The following ZNF454 variants were observed in gnomAD, a reference collection of about 807,000 sequenced individuals.
ZNF454 encodes the protein zinc finger protein 454.
A neutral mutation model predicts 48.2 loss-of-function variants in ZNF454; 30 were observed. The ratio of observed to expected loss-of-function variants is 0.62; its 90% confidence interval spans 0.47 to 0.84. The LOEUF (loss-of-function observed/expected upper bound fraction) is 0.84, where lower values mean the gene tolerates loss of function less well. Among genes scored for constraint, ZNF454 ranks in the 40% least tolerant of loss-of-function variants. The pLI, the probability that ZNF454 is intolerant of heterozygous loss-of-function variation, is 0.00. For missense variants in ZNF454, 510 were observed against 623.1 expected (o/e 0.82, Z 1.93); for synonymous variants, 204 against 211.4 (o/e 0.97, Z 0.30).
At chr5:178,947,054 G>A in intron 4 of ZNF454, 68 bp downstream of exon 4, 1 of 1,359,058 alleles carries the variant, frequency 7.4e-7, no homozygotes. Context: ...CGTAGGGAAG[G>A]CAGGGAGGCT....
At chr5:178,983,047 CTG>C in the ZNF454 span, 1 of 1,613,950 alleles carries the variant, frequency 6.2e-7, no homozygotes, top group Non-Finnish European at 8.5e-7. Context: ...ATGGCGTACA[CTG>C]TGCACGTGAC....
chr5:178,969,441 C>G (rs2113290962), downstream of ZNF454: 1 of 456,694 alleles, frequency 2.2e-6, no homozygotes, highest in East Asian at 6.9e-5. Flanking sequence ...AAGAGCAGTT[C>G]ATTCCATACC....
Position 178,954,771 on chromosome 5 carries a change from G to A in ZNF454, c.250+7785G>A, listed in dbSNP as rs61200088. Among the ~76,000 whole-genome samples the A allele has an allele frequency of 9.2e-3, 1,403 of 152,254 alleles. 67 individuals carry two copies. In the East Asian group the frequency reaches 0.12, roughly 13 times the overall value. ...CGACTAACCTACTTGCTGCCACTGC[G>A]AGTACCCCTCTCCAGGATTTCATGT... On this transcript the variant is annotated intron_variant, in intron 4 of 4. Coordinates refer to ENST00000519564, the MANE Select transcript of ZNF454 (RefSeq NM_001178089.3).
rs1223953726 is a variant in ZNF454, at chr5:178,944,077, T to C, written c.33+1253T>C. 6.6e-6 allele frequency among the ~76,000 whole-genome samples: 1 copy of C among 152,148 alleles called. No individual in the cohort carries two copies. The highest frequency in any genetic ancestry group is 2.4e-5 in the African/African-American group (1 of 41,442). On this transcript the variant is annotated intron_variant, in intron 2 of 4. Coordinates refer to ENST00000519564, the MANE Select transcript of ZNF454 (RefSeq NM_001178089.3). The surrounding 1 kb of genome is among the most constrained non-coding windows in gnomAD (Gnocchi z 4.1). ...GGACTGTGCTTTGAAGGAGACAGCA[T>C]TCATTTGGGCATATACATTCTGATA...
At chr5:178,949,027 C>T (rs1759453244) in intron 4 of ZNF454, among the ~76,000 whole-genome samples, 1 of 150,628 alleles carries the variant, frequency 6.6e-6, no homozygotes, top group African/African-American at 2.4e-5. Flanking sequence ...CTTGCCACTG[C>T]CTGGCTAATT....
intron 2 of ZNF454, among the ~76,000 whole-genome samples, chr5:178,945,156 T>TG (rs55704219): frequency 0.71 from 101,928 of 144,450 alleles, 36,049 homozygotes; most frequent in African/African-American, 0.74. Flanking sequence ...GTTGAGGGTC[T>TG]GGGGGATGTG....
chr5:178,984,667 G>A, the ZNF454 span, among the ~76,000 whole-genome samples: 31 of 152,224 alleles, frequency 2.0e-4, no homozygotes, highest in African/African-American at 6.5e-4. Flanking sequence ...CAGGATGTGC[G>A]GCACACGGAG....
chr5:178,950,573 T>C (rs1484099646), intron 4 of ZNF454, among the ~76,000 whole-genome samples: 1 of 152,210 alleles, frequency 6.6e-6, no homozygotes, highest in Non-Finnish European at 1.5e-5. Context: ...CGTAAAGGAA[T>C]GCTCAGCCAA....
the ZNF454 span, among the ~76,000 whole-genome samples, chr5:178,972,832 T>C: frequency 6.6e-6 from 1 of 152,256 alleles, no homozygotes; most frequent in African/African-American, 2.4e-5. Context: ...CCTGTTTCAC[T>C]GGAAAGGCAG....
At chr5:178,982,444 G>T in the ZNF454 span, among the ~76,000 whole-genome samples, 481 of 152,076 alleles carry the variant, frequency 3.2e-3, 4 homozygotes, top group African/African-American at 0.011. Context: ...CAGGCGTGGT[G>T]GCAGGCACCT....
At chr5:178,968,105 T>TCACACACACACGCA (rs1760192528), downstream of ZNF454, among the ~76,000 whole-genome samples, 1 of 145,000 alleles carries the variant, frequency 6.9e-6, no homozygotes, top group Admixed American at 6.9e-5. Context: ...CATCTGTGCA[T>TCACACACACACGCA]CACACACACA....
At chr5:178,986,971 G>C in the ZNF454 span, 1 of 1,613,812 alleles carries the variant, frequency 6.2e-7, no homozygotes, top group Non-Finnish European at 8.5e-7. Flanking sequence ...CATCACAGGG[G>C]TTCCTGCGCT....
At chr5:178,943,578 A>G (rs1171984132) in intron 2 of ZNF454, among the ~76,000 whole-genome samples, 3 of 152,214 alleles carry the variant, frequency 2.0e-5, no homozygotes, top group Non-Finnish European at 2.9e-5. Flanking sequence ...AAAGAAGGGC[A>G]TTGTAGGAAC....
chr5:178,965,318 G>C lies in ZNF454; in HGVS notation c.914G>C (p.Cys305Ser). ...TGEKPFKCNI[C>S]EKAFVCRAHL... Reference sequence around the variant, plus strand: ...GAGAAACCTTTTAAATGTAACATTTGTGAAAAAGCCTTTGTGTGCAGGGCA... The same window carrying C: ...GAGAAACCTTTTAAATGTAACATTTCTGAAAAAGCCTTTGTGTGCAGGGCA... Residue 305 changes from cysteine (C) to serine (S), a missense_variant, in exon 5 of 5, where the codon TGT becomes TCT. By Grantham distance (112) the Cys-to-Ser change is moderately radical. This residue lies in a region of ZNF454 where 354 missense variants were observed against 408.9 expected (regional missense o/e 0.87). Coordinates refer to ENST00000519564, the MANE Select transcript of ZNF454 (RefSeq NM_001178089.3). This position sits in a 1 kb window ranked among gnomAD's most constrained non-coding sequence, Gnocchi z 5.2. 2 of 1,614,212 alleles carry C rather than the reference G, an allele frequency of 1.2e-6. No homozygotes were observed. The highest frequency in any genetic ancestry group is 2.7e-5 in the African/African-American group (2 of 75,062).
chr5:178,960,083 G>A (rs963023075), intron 4 of ZNF454, among the ~76,000 whole-genome samples: 1 of 151,104 alleles, frequency 6.6e-6, no homozygotes, highest in Non-Finnish European at 1.5e-5. Context: ...CTGAGTAGCT[G>A]GGACTACAGG....
chr5:178,985,496 G>C, the ZNF454 span: 1 of 344,346 alleles, frequency 2.9e-6, no homozygotes, highest in Non-Finnish European at 5.7e-6. Context: ...GAGGTCAGGA[G>C]ATCGAGACCA....
chr5:178,945,202 GTGTC>G (rs900987769), intron 2 of ZNF454, among the ~76,000 whole-genome samples: 1 of 151,238 alleles, frequency 6.6e-6, no homozygotes, highest in African/African-American at 2.4e-5. Context: ...TTGTGTGTAT[GTGTC>G]TGTGTGTTTG....
Position 178,957,403 on chromosome 5 carries a change from T to A in ZNF454, c.251-7252T>A, listed in dbSNP as rs577585217. On this transcript the variant is annotated intron_variant, in intron 4 of 4. Transcript: ENST00000519564. Reference sequence around the variant, plus strand: ...TTAAAACCATCTTTTTTATTTTTATTTTTTATTTTATTTTATTTTTTTTGG... The same window carrying A: ...TTAAAACCATCTTTTTTATTTTTATATTTTATTTTATTTTATTTTTTTTGG... Among the ~76,000 whole-genome samples the A allele has an allele frequency of 1.5e-3, 233 of 152,064 alleles. 7 individuals are homozygous for A. Among genetic ancestry groups the A allele is most frequent in the Admixed American group, 0.015 (228 of 15,254 alleles).
At chr5:178,987,444 G>A in the ZNF454 span, 23 of 457,620 alleles carry the variant, frequency 5.0e-5, no homozygotes, top group East Asian at 1.3e-3. Context: ...CGAACACGAC[G>A]GGGCCATTCA....
Sources: gnomAD v4.1 joint callset for allele counts (sites outside exome capture counted in the v4.1 genomes callset) on GRCh38, gnomAD v4.1.1 for gene constraint, gnomAD v4.1.1 regional missense constraint, Gnocchi (gnomAD v3.1) non-coding constraint, MANE v1.5 for transcripts, NCBI Gene and HGNC (gene_info 2026-07-23, HGNC 2026-07-21) for gene names.